RIPOR2: variants seen among roughly 807,000 people sequenced by gnomAD.
RIPOR2 encodes RHO family interacting cell polarization regulator 2.
Under a neutral mutation model 114.5 loss-of-function variants are expected in RIPOR2, and 39 were observed. That is an observed-to-expected ratio of 0.34 (90% confidence interval 0.26 to 0.44). The LOEUF (loss-of-function observed/expected upper bound fraction) is 0.44, where lower values mean the gene tolerates loss of function less well. Ranked by LOEUF, RIPOR2 falls within the 20% of genes least tolerant of loss-of-function variation. The pLI is 1.00. For synonymous variants in RIPOR2, 445 were observed against 484.4 expected (o/e 0.92, Z 1.07); for missense variants, 1,007 against 1,255.1 (o/e 0.80, Z 2.99).
chr6:25,014,681 A>T (rs999914403), intron 1 of RIPOR2, among the ~76,000 whole-genome samples: 8 of 152,226 alleles, frequency 5.3e-5, no homozygotes, highest in Admixed American at 5.2e-4. Context: ...AAAATGGCAG[A>T]TACAGCAGTA....
At chr6:24,958,167 T>G (rs181415376) in intron 1 of RIPOR2, among the ~76,000 whole-genome samples, 1 of 152,222 alleles carries the variant, frequency 6.6e-6, no homozygotes, top group Non-Finnish European at 1.5e-5. Context: ...TGTTTTGCAA[T>G]GAAACACTAT....
At chr6:25,029,084 C>G (rs1050515122) in intron 1 of RIPOR2, among the ~76,000 whole-genome samples, 3 of 152,090 alleles carry the variant, frequency 2.0e-5, no homozygotes, top group Admixed American at 2.0e-4. Context: ...TTCAAGAGAT[C>G]GAGACCATCC....
At chr6:24,942,979 G>A (rs1490602261) in intron 1 of RIPOR2, among the ~76,000 whole-genome samples, 1 of 152,122 alleles carries the variant, frequency 6.6e-6, no homozygotes, top group African/African-American at 2.4e-5. Context: ...TAGACATGAA[G>A]TCCTTGCCCA....
chr6:25,034,733 T>C (rs564091535), intron 1 of RIPOR2, among the ~76,000 whole-genome samples: 1 of 152,330 alleles, frequency 6.6e-6, no homozygotes, highest in East Asian at 1.9e-4. Context: ...TGCTGCTTCT[T>C]CCTCTCCTTT....
At chr6:24,821,193 T>C (rs1759671162) in intron 19 of RIPOR2, among the ~76,000 whole-genome samples, 1 of 147,572 alleles carries the variant, frequency 6.8e-6, no homozygotes, top group Admixed American at 6.8e-5. Context: ...TGTTTTTTTT[T>C]TTTTTTGAGA....
chr6:24,835,318 A>G, intron 15 of RIPOR2, among the ~76,000 whole-genome samples: 1 of 152,222 alleles, frequency 6.6e-6, no homozygotes, highest in East Asian at 1.9e-4. Context: ...CAGGTGGTGA[A>G]AAACTAATTC....
At chr6:24,921,748 A>C (rs569310536) in intron 1 of RIPOR2, among the ~76,000 whole-genome samples, 1 of 150,998 alleles carries the variant, frequency 6.6e-6, no homozygotes, top group Middle Eastern at 3.5e-3. Flanking sequence ...ACTTTGTTAT[A>C]TTCACTGCTG....
At chr6:24,848,556 C>A (rs913455141) in intron 11 of RIPOR2, among the ~76,000 whole-genome samples, 2 of 152,184 alleles carry the variant, frequency 1.3e-5, no homozygotes, top group African/African-American at 4.8e-5. Flanking sequence ...GACTATTGTT[C>A]CATTCTAAAG....
upstream of RIPOR2, among the ~76,000 whole-genome samples, chr6:24,938,526 G>A (rs182928040): frequency 1.0e-3 from 154 of 152,300 alleles, no homozygotes; most frequent in African/African-American, 3.7e-3. Flanking sequence ...GATAATTTAT[G>A]TAAAGAAGCT....
chr6:24,863,333 T>C (rs558073470), intron 7 of RIPOR2, among the ~76,000 whole-genome samples: 1 of 152,348 alleles, frequency 6.6e-6, no homozygotes, highest in Non-Finnish European at 1.5e-5. Flanking sequence ...TAAGGCAGTT[T>C]AAATTGCACT....
At chr6:24,950,145 A>G (rs1772674083) in intron 1 of RIPOR2, among the ~76,000 whole-genome samples, 1 of 152,234 alleles carries the variant, frequency 6.6e-6, no homozygotes, top group Admixed American at 6.5e-5. Flanking sequence ...CTGAGTATCA[A>G]ATGTTCCTGG....
chr6:25,039,215 C>T (rs1777372604), intron 1 of RIPOR2, among the ~76,000 whole-genome samples: 1 of 152,226 alleles, frequency 6.6e-6, no homozygotes, highest in Non-Finnish European at 1.5e-5. Flanking sequence ...TTGTTGAGGG[C>T]CACCCTTGCA....
chr6:24,962,112 C>T (rs1486378020), intron 1 of RIPOR2, among the ~76,000 whole-genome samples: 2 of 152,164 alleles, frequency 1.3e-5, no homozygotes, highest in East Asian at 3.8e-4. Context: ...AACCATTGTG[C>T]TAACTAGCTG....
intron 1 of RIPOR2, among the ~76,000 whole-genome samples, chr6:24,918,890 T>A (rs1770279504): frequency 6.6e-6 from 1 of 152,206 alleles, no homozygotes; most frequent in Non-Finnish European, 1.5e-5. Flanking sequence ...TCTGTAAACC[T>A]GGAAACCATT....
At chr6:24,956,280 A>T (rs927600005) in intron 1 of RIPOR2, among the ~76,000 whole-genome samples, 2 of 152,156 alleles carry the variant, frequency 1.3e-5, no homozygotes, top group Non-Finnish European at 2.9e-5. Flanking sequence ...CTTACAATAG[A>T]TCATAAATAT....
intron 1 of RIPOR2, among the ~76,000 whole-genome samples, chr6:24,904,657 G>A (rs979562440): frequency 6.6e-6 from 1 of 152,226 alleles, no homozygotes; most frequent in African/African-American, 2.4e-5. Context: ...TATTGTCACT[G>A]CTGGCAGCCA....
chr6:24,843,148 G>C lies in RIPOR2; in HGVS notation c.1571C>G (p.Ser524Cys). The C allele has an allele frequency of 1.2e-6, 2 of 1,613,986 alleles. No individual in the cohort carries two copies. The highest frequency in any genetic ancestry group is 1.7e-6 in the Non-Finnish European group (2 of 1,179,868). The change falls in exon 13 of 22, where the codon TCT becomes TGT. Residue 524 changes from serine to cysteine, a missense_variant. Physicochemically the swap from Ser to Cys is moderately radical, Grantham distance 112. Coordinates refer to ENST00000643898, the MANE Select transcript of RIPOR2 (RefSeq NM_001286445.3). ...NDVAEALLQE[S>C]EEASELKPVE... ...AGGCTTGAGCTCAGAGGCCTCCTCA[G>C]ACTCTTGCAGAAGTGCTTCTGCAAC...
intron 1 of RIPOR2, among the ~76,000 whole-genome samples, chr6:24,879,106 G>A (rs1247560962): frequency 9.8e-6 from 1 of 102,528 alleles, no homozygotes; most frequent in Non-Finnish European, 2.0e-5. Flanking sequence ...TTGGGAGGCC[G>A]AGGCAGGTGG....
chr6:24,935,081 G>T (rs138497436), intron 1 of RIPOR2, among the ~76,000 whole-genome samples: 1 of 152,180 alleles, frequency 6.6e-6, no homozygotes, highest in Non-Finnish European at 1.5e-5. Flanking sequence ...GCCAAGGAGG[G>T]TGGATCACCT....
Sources: allele counts gnomAD v4.1 joint callset (sites outside exome capture counted in the v4.1 genomes callset), GRCh38; gene constraint gnomAD v4.1.1; transcripts MANE v1.5; gene names NCBI Gene and HGNC (gene_info 2026-07-23, HGNC 2026-07-21).